The following QRICH1 variants were observed in gnomAD, a reference collection of about 807,000 sequenced individuals.
QRICH1 encodes glutamine rich 1, also known as transcriptional regulator QRICH1.
A neutral mutation model predicts 87.1 loss-of-function variants in QRICH1; 16 were observed. The ratio of observed to expected loss-of-function variants is 0.18; its 90% confidence interval spans 0.12 to 0.28. The LOEUF is 0.28. QRICH1 is among the 10% of genes least tolerant of loss of function. The pLI, the probability that QRICH1 is intolerant of heterozygous loss-of-function variation, is 1.00. For synonymous variants in QRICH1, 367 were observed against 368.4 expected, an observed-to-expected ratio of 1.00 and a Z score of 0.05; for missense variants, 647 against 951.7, an observed-to-expected ratio of 0.68 and a Z score of 4.21.
intron 1 of QRICH1, among the ~76,000 whole-genome samples, chr3:49,086,327 G>A (rs555103234): frequency 6.2e-4 from 94 of 151,402 alleles, no homozygotes; most frequent in African/African-American, 2.2e-3. Context: ...TGCGATCTCG[G>A]CTCACTGTAA....
intron 6 of QRICH1, among the ~76,000 whole-genome samples, chr3:49,042,391 ACCCAG>A (rs2093315781): frequency 1.3e-5 from 2 of 152,080 alleles, no homozygotes; most frequent in African/African-American, 4.8e-5. Flanking sequence ...GAACCACTGC[ACCCAG>A]CCAAAGACAC....
chr3:49,043,232 C>T (rs2093320667), intron 6 of QRICH1, among the ~76,000 whole-genome samples: 1 of 152,046 alleles, frequency 6.6e-6, no homozygotes, highest in Non-Finnish European at 1.5e-5. Context: ...CGTGGTGGCT[C>T]ATGCCTGTAA....
At chr3:49,047,293 G>A in intron 3 of QRICH1, 47 bp from the exon 4 acceptor site, 1 of 1,534,048 alleles carries the variant, frequency 6.5e-7, no homozygotes, top group Non-Finnish European at 8.9e-7. Flanking sequence ...TTTTATATTA[G>A]ATCCTTCTGC....
chr3:49,045,326 CAAA>C (rs150401256), intron 5 of QRICH1, among the ~76,000 whole-genome samples: 658 of 101,812 alleles, frequency 6.5e-3, no homozygotes, highest in African/African-American at 0.013. Context: ...TTGTGAATTA[CAAA>C]AAAAAAAAAA....
In QRICH1 at chr3:49,076,774, T is replaced by TGGTGACTGG; in HGVS notation, c.235_243dup (p.Pro79_Thr81dup). ...TGCTGGGTTTGTGGCTGAACACTGGTGGTGACTGGACAGGCAAGTTCAAGC... is the reference window on the plus strand; with the variant it reads ...TGCTGGGTTTGTGGCTGAACACTGGTGGTGACTGGGGTGACTGGACAGGCAAGTTCAAGC... On this transcript the variant is annotated inframe_insertion, in exon 2 of 10. Coordinates refer to ENST00000395443, the MANE Select transcript of QRICH1 (RefSeq NM_198880.3). 1.9e-6 allele frequency: 3 copies of TGGTGACTGG among 1,610,582 alleles called. No individual in the cohort carries two copies. The highest frequency in any genetic ancestry group is 2.5e-6 in the Non-Finnish European group (3 of 1,177,836).
chr3:49,089,059 T>C (rs2042223763), intron 1 of QRICH1, among the ~76,000 whole-genome samples: 3 of 151,138 alleles, frequency 2.0e-5, no homozygotes, highest in East Asian at 1.9e-4. Context: ...TTTTCTTTTT[T>C]TCTTTTCTTT....
At chr3:49,092,658 T>C (rs1422292474) in intron 1 of QRICH1, among the ~76,000 whole-genome samples, 2 of 152,122 alleles carry the variant, frequency 1.3e-5, no homozygotes, top group Admixed American at 6.6e-5. Context: ...AGCAGATGTT[T>C]TGTATTAGAA....
At chr3:49,094,176 G>A (rs2042336906), upstream of QRICH1, 1 of 394,556 alleles carries the variant, frequency 2.5e-6, no homozygotes, top group South Asian at 1.3e-4. Context: ...GGGGAAGGTG[G>A]CCGCGCTTCT....
At position 49,087,862 on chromosome 3, in the gene QRICH1, T is replaced by C. The variant is rs1207549091; in HGVS notation, c.-22+6050A>G. Among the ~76,000 whole-genome samples the C allele has an allele frequency of 2.7e-5, 4 of 147,692 alleles. No homozygotes were observed. In the South Asian group the frequency reaches 8.5e-4, roughly 31 times the overall value. ...AAAGAACAATGTCTTCTATGCTTCT[T>C]TGAAATAACTCCATATGTTTATAAG... On this transcript the variant is annotated intron_variant, in intron 1 of 9. Coordinates refer to ENST00000395443, the MANE Select transcript of QRICH1 (RefSeq NM_198880.3).
intron 2 of QRICH1, among the ~76,000 whole-genome samples, chr3:49,059,265 G>A (rs139143233): frequency 6.0e-5 from 9 of 149,758 alleles, no homozygotes; most frequent in South Asian, 2.1e-4. Flanking sequence ...ACAAGGGACC[G>A]TTTTTTTCTC....
chr3:49,070,068 G>C (rs565585846), intron 2 of QRICH1, among the ~76,000 whole-genome samples: 1 of 148,406 alleles, frequency 6.7e-6, no homozygotes, highest in Non-Finnish European at 1.5e-5. Context: ...ACAGAGTTTC[G>C]CTCACATTGC....
chr3:49,055,527 A>G (rs2093396107), intron 3 of QRICH1, among the ~76,000 whole-genome samples: 1 of 152,128 alleles, frequency 6.6e-6, no homozygotes, highest in African/African-American at 2.4e-5. Context: ...ACACTAGACT[A>G]TATTTTTTAA....
intron 3 of QRICH1, among the ~76,000 whole-genome samples, chr3:49,054,172 TCTC>T (rs1355464963): frequency 6.6e-6 from 1 of 152,136 alleles, no homozygotes; most frequent in Non-Finnish European, 1.5e-5. Context: ...GAAAGGATCT[TCTC>T]CTGCTGAAGA....
At chr3:49,056,550 C>T (rs1298873508) in intron 3 of QRICH1, among the ~76,000 whole-genome samples, 1 of 151,792 alleles carries the variant, frequency 6.6e-6, no homozygotes, top group Non-Finnish European at 1.5e-5. Context: ...GTGTCCCATT[C>T]ATCTACACCT....
intron 5 of QRICH1, among the ~76,000 whole-genome samples, 191 bp downstream of exon 5, chr3:49,046,234 T>C (rs572067411): frequency 1.3e-5 from 2 of 149,162 alleles, no homozygotes; most frequent in Admixed American, 6.8e-5. Context: ...TGTTATTTTC[T>C]AAAGTGAACG....
chr3:49,085,964 T>C (rs988104214), intron 1 of QRICH1, among the ~76,000 whole-genome samples: 4 of 152,016 alleles, frequency 2.6e-5, no homozygotes, highest in Non-Finnish European at 5.9e-5. Context: ...AAGAAATTAA[T>C]TAAAGTATTT....
chr3:49,043,103 T>C (rs942783004), intron 6 of QRICH1, among the ~76,000 whole-genome samples: 2 of 152,270 alleles, frequency 1.3e-5, no homozygotes, highest in South Asian at 2.1e-4. Context: ...ATGTTATTGA[T>C]AGGAGAAACT....
At chr3:49,091,475 C>T (rs2042273792) in intron 1 of QRICH1, among the ~76,000 whole-genome samples, 2 of 151,618 alleles carry the variant, frequency 1.3e-5, no homozygotes, top group South Asian at 4.1e-4. Context: ...AAGGCAGCCA[C>T]ATCCAGAGCC....
chr3:49,069,107 A>ATT (rs57230454), intron 2 of QRICH1, among the ~76,000 whole-genome samples: 47 of 124,020 alleles, frequency 3.8e-4, no homozygotes, highest in African/African-American at 5.9e-4. Context: ...TATTATTATT[A>ATT]TTTTTTTTTT....
Sources: gnomAD v4.1 joint callset for allele counts (sites outside exome capture counted in the v4.1 genomes callset) on GRCh38, gnomAD v4.1.1 for gene constraint, MANE v1.5 for transcripts, NCBI Gene and HGNC (gene_info 2026-07-23, HGNC 2026-07-21) for gene names.